The following ACTN2 variants were observed in gnomAD, a reference collection of about 807,000 sequenced individuals.
ACTN2 encodes the protein actinin alpha 2.
Under a neutral mutation model 113.8 loss-of-function variants are expected in ACTN2, and 39 were observed. The ratio of observed to expected loss-of-function variants is 0.34; its 90% CI spans 0.27 to 0.45. The LOEUF is 0.45. ACTN2 is among the 20% of genes least tolerant of loss of function. The probability of loss-of-function intolerance (pLI) is 1.00; values close to 1 mark genes in which losing one functional copy is unlikely to be tolerated. For missense variants in ACTN2, 992 were observed against 1,177.9 expected, an observed-to-expected ratio of 0.84 and a Z score of 2.31; for synonymous variants, 429 against 444.1, an observed-to-expected ratio of 0.97 and a Z score of 0.43.
In ACTN2 at chr1:236,755,027, C is replaced by G. The variant is rs372137571; in HGVS notation, c.1983C>G (p.Ala661=). The G allele has an allele frequency of 6.2e-7, 1 of 1,614,048 alleles. No homozygotes were observed. The highest frequency in any genetic ancestry group is 8.5e-7 in the Non-Finnish European group (1 of 1,180,036). Residue 661 remains alanine (A), a synonymous_variant, in exon 17 of 21, where the codon GCC becomes GCG. Coordinates refer to ENST00000366578, the MANE Select transcript of ACTN2 (RefSeq NM_001103.4). The part of the protein sequence containing the change: ...PWIQNKMEEI[A]RSSIQITGAL... Reference sequence around the variant, plus strand: ...TCACTCGCCCCCCTCAGGAGATTGCCCGGAGCTCCATCCAGATCACAGGAG... The same window carrying G: ...TCACTCGCCCCCCTCAGGAGATTGCGCGGAGCTCCATCCAGATCACAGGAG...
intron 12 of ACTN2, among the ~76,000 whole-genome samples, chr1:236,747,128 C>A (rs537341755): frequency 6.6e-6 from 1 of 152,282 alleles, no homozygotes; most frequent in South Asian, 2.1e-4. Flanking sequence ...AAATAATGCT[C>A]TCTGGGGGCC....
At chr1:236,745,020 C>A (rs906639001) in intron 12 of ACTN2, among the ~76,000 whole-genome samples, 1 of 152,156 alleles carries the variant, frequency 6.6e-6, no homozygotes, top group Non-Finnish European at 1.5e-5. Context: ...CCGCTTCCAG[C>A]AAGATGAGAA....
At chr1:236,692,773 C>T (rs542076353) in intron 1 of ACTN2, among the ~76,000 whole-genome samples, 6 of 111,936 alleles carry the variant, frequency 5.4e-5, no homozygotes, top group African/African-American at 2.1e-4. Flanking sequence ...AGGTAAGAAA[C>T]TTAAGCCCAT....
At position 236,749,301 on chromosome 1, in the gene ACTN2, G is replaced by A. The variant is rs1024651152; in HGVS notation, c.1656+37G>A. ...GCAACTCTGTATGCCCTATGCATTA[G>A]AAGTGAGTTGTCATTTAAACTTAAG... On this transcript the variant is annotated intron_variant, in intron 14 of 20. Coordinates refer to ENST00000366578, the MANE Select transcript of ACTN2 (RefSeq NM_001103.4). The A allele has an allele frequency of 2.5e-6, 4 of 1,613,128 alleles. No homozygotes were observed. In the South Asian group the frequency reaches 4.4e-5, roughly 18 times the overall value.
chr1:236,704,943 C>A (rs1173602153), intron 1 of ACTN2, among the ~76,000 whole-genome samples: 6 of 152,200 alleles, frequency 3.9e-5, no homozygotes, highest in East Asian at 1.9e-4. Context: ...GTCTGTGCAG[C>A]CTTCGTTTCT....
chr1:236,724,796 C>T (rs530812035), intron 4 of ACTN2, among the ~76,000 whole-genome samples: 107 of 148,026 alleles, frequency 7.2e-4, no homozygotes, highest in African/African-American at 2.6e-3. Context: ...GACGTCTGAG[C>T]GGCACATTTT....
At chr1:236,745,007 G>A (rs2102930502) in intron 12 of ACTN2, among the ~76,000 whole-genome samples, 1 of 152,312 alleles carries the variant, frequency 6.6e-6, no homozygotes, top group South Asian at 2.1e-4. Context: ...AGCACAGGCA[G>A]CTCCGCTTCC....
At chr1:236,696,277 C>T (rs1657499265) in intron 1 of ACTN2, among the ~76,000 whole-genome samples, 1 of 147,952 alleles carries the variant, frequency 6.8e-6, no homozygotes, top group Non-Finnish European at 1.5e-5. Flanking sequence ...GAGATCGTGT[C>T]ACTGCACTCC....
chr1:236,739,248 TG>T, intron 9 of ACTN2, 53 bp from the exon 10 acceptor site: 2 of 1,565,750 alleles, frequency 1.3e-6, no homozygotes, highest in African/African-American at 1.4e-5. Flanking sequence ...TTTTTTTAAC[TG>T]GGGGAGGGGG....
Position 236,761,083 on chromosome 1 carries a change from A to T in ACTN2, c.2436A>T (p.Gln812His), listed in dbSNP as rs146445537. The T allele has an allele frequency of 1.2e-6, 2 of 1,614,082 alleles. No homozygotes were observed. Among genetic ancestry groups the T allele is most frequent in the Non-Finnish European group, 1.7e-6 (2 of 1,180,000 alleles). Residue 812 changes from glutamine to histidine, a missense_variant, in exon 20 of 21, where the codon CAA becomes CAT. Gln to His is a conservative substitution (Grantham distance 24). Coordinates refer to ENST00000366578, the MANE Select transcript of ACTN2 (RefSeq NM_001103.4). ...DPNGQGTVTF[Q>H]SFIDFMTRET... ...ACGGGCAAGGCACCGTCACCTTCCA[A>T]TCCTTCATCGACTTCATGACTAGAG...
At chr1:236,744,376 C>T (rs187028864) in intron 11 of ACTN2, among the ~76,000 whole-genome samples, 1 of 152,228 alleles carries the variant, frequency 6.6e-6, no homozygotes, top group African/African-American at 2.4e-5. Flanking sequence ...TTTCTAAAAA[C>T]GCACTCAGCA....
chr1:236,709,174 A>G (rs1294379713), intron 1 of ACTN2, among the ~76,000 whole-genome samples: 2 of 140,436 alleles, frequency 1.4e-5, no homozygotes, highest in African/African-American at 5.3e-5. Context: ...TTCTCCTCTC[A>G]ATAATCTTTT....
Position 236,758,448 on chromosome 1 carries a change from G to A in ACTN2, c.2301+816G>A, listed in dbSNP as rs200389797. 1.9e-3 allele frequency among the ~76,000 whole-genome samples: 284 copies of A among 147,234 alleles called. 5 individuals are homozygous for A. In the East Asian group the frequency reaches 0.035, roughly 18 times the overall value. ...CTATAGGCACCTGCCACCATGCCTG[G>A]CTAATTTTTTTTTTTTTTTTTCAGT... On this transcript the variant is annotated intron_variant, in intron 18 of 20. Coordinates refer to ENST00000366578, the MANE Select transcript of ACTN2 (RefSeq NM_001103.4).
intron 18 of ACTN2, among the ~76,000 whole-genome samples, chr1:236,759,185 G>A (rs148864998): frequency 3.9e-5 from 6 of 152,226 alleles, no homozygotes; most frequent in East Asian, 3.9e-4. Context: ...GTGATTTGAC[G>A]TATCTGCATT....
chr1:236,752,391 A>T (rs980491876), intron 15 of ACTN2, among the ~76,000 whole-genome samples: 1 of 151,744 alleles, frequency 6.6e-6, no homozygotes, highest in Non-Finnish European at 1.5e-5. Flanking sequence ...GAAAGTATTT[A>T]TCCGAGAAAC....
chr1:236,715,431 C>A (rs1288970809), intron 1 of ACTN2, among the ~76,000 whole-genome samples: 1 of 151,414 alleles, frequency 6.6e-6, no homozygotes, highest in Admixed American at 6.6e-5. Context: ...ATCTTACCTT[C>A]AAAAAACAAA....
At position 236,751,439 on chromosome 1, in the gene ACTN2, T is replaced by C. The variant is rs191642333; in HGVS notation, c.1657-31T>C. 102 of 1,531,472 alleles carry C rather than the reference T, an allele frequency of 6.7e-5. No homozygotes were observed. In the African/African-American group the frequency reaches 1.3e-3, roughly 20 times the overall value. 94.9% of individuals were successfully genotyped at this position (1,531,472 alleles called of 1,614,324 possible). On this transcript the variant is annotated intron_variant, in intron 14 of 20. Coordinates refer to ENST00000366578, the MANE Select transcript of ACTN2 (RefSeq NM_001103.4). ...CTTTGAAATTAACACTCAAGCCACA[T>C]TGTTTTTCTCCACTTGTGTCTCGGG...
rs1659753082 is a variant in ACTN2, at chr1:236,762,896, T to G, written c.*277T>G. The G allele has an allele frequency of 2.3e-6, 1 of 432,932 alleles. No homozygotes were observed. Among genetic ancestry groups the G allele is most frequent in the East Asian group, 4.9e-5 (1 of 20,308 alleles). The allele number at this position is 432,932 out of a possible 1,614,324, so 26.8% of individuals were successfully genotyped here. A position where few individuals can be genotyped will look rare whatever the true frequency, so the allele number is the denominator to read the frequency against. ...GATTTCTTTGATTAAACAGAACAAA[T>G]TACTTGAGTAATAGGAAATTAGGAG... On this transcript the variant is annotated 3_prime_UTR_variant, in exon 21 of 21. Coordinates refer to ENST00000366578, the MANE Select transcript of ACTN2 (RefSeq NM_001103.4).
At chr1:236,752,333 A>T (rs1002571195) in intron 15 of ACTN2, among the ~76,000 whole-genome samples, 7 of 152,124 alleles carry the variant, frequency 4.6e-5, no homozygotes, top group Non-Finnish European at 8.8e-5. Flanking sequence ...CACGTGCTGC[A>T]AGTTAGTTAT....
Sources: gnomAD v4.1 joint callset for allele counts (sites outside exome capture counted in the v4.1 genomes callset) on GRCh38, gnomAD v4.1.1 for gene constraint, MANE v1.5 for transcripts, NCBI Gene and HGNC (gene_info 2026-07-23, HGNC 2026-07-21) for gene names.